The following WDR70 variants were observed in gnomAD, a reference collection of about 807,000 sequenced individuals.
The protein encoded by WDR70 is WD repeat-containing protein 70.
A neutral mutation model predicts 88.6 loss-of-function variants in WDR70; 53 were observed. That is an observed-to-expected ratio of 0.60 (90% confidence interval 0.48 to 0.75). WDR70 has a LOEUF of 0.75. WDR70 is among the 30% of genes least tolerant of loss of function. WDR70 has a pLI of 0.00. For missense variants in WDR70, 610 were observed against 823.2 expected, an observed-to-expected ratio of 0.74 and a Z score of 3.17; for synonymous variants, 280 against 270.0, an observed-to-expected ratio of 1.04 and a Z score of -0.36.
intron 8 of WDR70, among the ~76,000 whole-genome samples, chr5:37,514,276 C>T (rs1239168971): frequency 7.8e-5 from 11 of 141,850 alleles, no homozygotes; most frequent in East Asian, 2.1e-4. Flanking sequence ...GCCTCAGCCT[C>T]CCAGAAGTGC....
Position 37,696,058 on chromosome 5 carries a change from A to G in WDR70, c.1093-1597A>G, listed in dbSNP as rs373578409. Among the ~76,000 whole-genome samples, 45 of 152,270 alleles carry G rather than the reference A, an allele frequency of 3.0e-4. 2 individuals carry two copies. In the South Asian group the frequency reaches 9.1e-3, roughly 31 times the overall value. ...GTATTACTCTGTATTTCCCCATTGT[A>G]GCACTTGTCGCTCTGTGTGCTGATC... is the stretch of plus-strand genomic sequence containing the variant. On this transcript the variant is annotated intron_variant, in intron 10 of 17. Coordinates refer to ENST00000265107, the MANE Select transcript of WDR70 (RefSeq NM_018034.4).
At chr5:37,552,365 A>G (rs1742171339) in intron 9 of WDR70, among the ~76,000 whole-genome samples, 1 of 152,194 alleles carries the variant, frequency 6.6e-6, no homozygotes, top group Non-Finnish European at 1.5e-5. Context: ...GTCCTTTCTG[A>G]ACCAGTGTCT....
intron 9 of WDR70, among the ~76,000 whole-genome samples, chr5:37,556,336 T>G (rs1011179009): frequency 1.3e-5 from 2 of 152,190 alleles, no homozygotes; most frequent in Admixed American, 6.5e-5. Flanking sequence ...AGGGATTGGG[T>G]AGACTAGCAA....
At chr5:37,684,533 A>G (rs1484227344) in intron 10 of WDR70, among the ~76,000 whole-genome samples, 1 of 152,204 alleles carries the variant, frequency 6.6e-6, no homozygotes, top group African/African-American at 2.4e-5. Flanking sequence ...TCAGTCAACT[A>G]GCTTCATTTC....
chr5:37,747,961 A>G (rs935624015), intron 17 of WDR70, among the ~76,000 whole-genome samples: 1 of 152,192 alleles, frequency 6.6e-6, no homozygotes, highest in Non-Finnish European at 1.5e-5. Context: ...AAGGAGAACT[A>G]CAAACCACTG....
chr5:37,462,947 C>T (rs1208652781), intron 7 of WDR70, among the ~76,000 whole-genome samples: 1 of 151,940 alleles, frequency 6.6e-6, no homozygotes, highest in Non-Finnish European at 1.5e-5. Context: ...TATAGTGTTG[C>T]CATCTAGTCT....
intron 6 of WDR70, among the ~76,000 whole-genome samples, chr5:37,439,625 C>CTT (rs34032020): frequency 1.0e-3 from 133 of 128,950 alleles, no homozygotes; most frequent in East Asian, 2.8e-3. Flanking sequence ...TGGCTTAACT[C>CTT]TTTTTTTTTT....
At chr5:37,498,036 G>T (rs984111115) in intron 8 of WDR70, among the ~76,000 whole-genome samples, 7 of 152,116 alleles carry the variant, frequency 4.6e-5, no homozygotes, top group Non-Finnish European at 8.8e-5. Flanking sequence ...TGTCCAGGCT[G>T]GTCTTGAACT....
intron 10 of WDR70, among the ~76,000 whole-genome samples, chr5:37,658,142 T>C (rs529501673): frequency 3.3e-5 from 5 of 151,862 alleles, no homozygotes; most frequent in Admixed American, 6.6e-5. Context: ...AAAGGTCTTC[T>C]TCCTCATCAT....
chr5:37,396,492 C>T lies in WDR70; in HGVS notation c.414C>T (p.Ile138=), dbSNP rs1393628310. Residue 138 remains isoleucine, a synonymous_variant, in exon 5 of 18, where the codon ATC becomes ATT. Transcript: ENST00000265107. ...CAGTTAATTTTATGGAGGAAGATATCCTCGGTCCTTTACCTCCACCTCTTA... is the reference window on the plus strand; with the variant it reads ...CAGTTAATTTTATGGAGGAAGATATTCTCGGTCCTTTACCTCCACCTCTTA... ...GKPVNFMEED[I]LGPLPPPLNE... 6.2e-7 allele frequency: 1 copy of T among 1,613,936 alleles called. No individual in the cohort carries two copies. Among genetic ancestry groups the T allele is most frequent in the Non-Finnish European group, 8.5e-7 (1 of 1,180,016 alleles).
At chr5:37,687,817 C>A in intron 10 of WDR70, 3 of 493,304 alleles carry the variant, frequency 6.1e-6, no homozygotes, top group South Asian at 3.8e-5. Flanking sequence ...GTCTTTCTAC[C>A]TTAGAATCCC....
intron 3 of WDR70, among the ~76,000 whole-genome samples, chr5:37,388,425 A>ATTT: frequency 6.9e-5 from 1 of 14,470 alleles, no homozygotes; most frequent in South Asian, 7.0e-3. Flanking sequence ...TGAAATACAG[A>ATTT]CTTTTTTTTT....
chr5:37,648,388 C>T (rs1471689866), intron 10 of WDR70, among the ~76,000 whole-genome samples: 1 of 152,038 alleles, frequency 6.6e-6, no homozygotes, highest in Non-Finnish European at 1.5e-5. Flanking sequence ...GCCAAATATC[C>T]TACTGTTTTC....
At chr5:37,390,578 G>A (rs976587946) in intron 3 of WDR70, among the ~76,000 whole-genome samples, 5 of 152,004 alleles carry the variant, frequency 3.3e-5, no homozygotes, top group Non-Finnish European at 7.4e-5. Flanking sequence ...CTGACCTCGT[G>A]ATCCGCCTGT....
chr5:37,564,876 A>G (rs1298778254), intron 9 of WDR70, among the ~76,000 whole-genome samples: 1 of 152,144 alleles, frequency 6.6e-6, no homozygotes. Context: ...TCTGGATTAC[A>G]GTTTTAAAAA....
intron 7 of WDR70, among the ~76,000 whole-genome samples, chr5:37,457,767 A>C (rs561595273): frequency 6.6e-6 from 1 of 152,324 alleles, no homozygotes; most frequent in South Asian, 2.1e-4. Context: ...GACTGTGACC[A>C]GTGGCTGAAC....
intron 10 of WDR70, among the ~76,000 whole-genome samples, chr5:37,677,960 G>T (rs1278145091): frequency 6.6e-6 from 1 of 152,150 alleles, no homozygotes; most frequent in Non-Finnish European, 1.5e-5. Context: ...TCTTCTTGTT[G>T]AATTGATCCC....
At chr5:37,401,128 A>G (rs1749177251) in intron 5 of WDR70, among the ~76,000 whole-genome samples, 1 of 142,098 alleles carries the variant, frequency 7.0e-6, no homozygotes, top group African/African-American at 2.6e-5. Context: ...CCTCCCGAGT[A>G]GCTGGGATTA....
intron 5 of WDR70, among the ~76,000 whole-genome samples, chr5:37,426,078 C>A (rs902183384): frequency 6.6e-6 from 1 of 152,028 alleles, no homozygotes; most frequent in Non-Finnish European, 1.5e-5. Context: ...TGACAATGAA[C>A]AAGATGAGCA....
Sources: allele counts gnomAD v4.1 joint callset (sites outside exome capture counted in the v4.1 genomes callset), GRCh38; gene constraint gnomAD v4.1.1; transcripts MANE v1.5; gene names NCBI Gene and HGNC (gene_info 2026-07-23, HGNC 2026-07-21).